FRMPD4: variants seen among roughly 807,000 people sequenced by gnomAD.
FRMPD4 encodes FERM and PDZ domain-containing protein 4.
A neutral mutation model predicts 94.1 loss-of-function variants in FRMPD4; 22 were observed. The observed-to-expected ratio is 0.23, with a 90% confidence interval of 0.17 to 0.33. The LOEUF (loss-of-function observed/expected upper bound fraction) is 0.33, where lower values mean the gene tolerates loss of function less well. Ranked by LOEUF, FRMPD4 falls within the 10% of genes least tolerant of loss-of-function variation. The probability of loss-of-function intolerance (pLI) is 1.00; values close to 1 mark genes in which losing one functional copy is unlikely to be tolerated. For synonymous variants in FRMPD4, 631 were observed against 548.6 expected, an observed-to-expected ratio of 1.15 and a Z score of -2.10; for missense variants, 1,111 against 1,339.9, an observed-to-expected ratio of 0.83 and a Z score of 2.67.
chrX:11,908,676 G>T (rs566085838), intron 3 of FRMPD4, among the ~76,000 whole-genome samples: 10 of 111,467 alleles, frequency 9.0e-5, no homozygotes, highest in Non-Finnish European at 1.9e-4. Context: ...TCATTTCCAG[G>T]CAAGAATACC....
chrX:11,975,424 AG>A (rs952687190), intron 3 of FRMPD4, among the ~76,000 whole-genome samples: 1 of 112,354 alleles, frequency 8.9e-6, no homozygotes, highest in African/African-American at 3.2e-5. Context: ...TTGTTCAAAA[AG>A]TTTAAAACAT....
At chrX:11,914,314 G>A (rs1399775893) in intron 3 of FRMPD4, among the ~76,000 whole-genome samples, 1 of 92,911 alleles carries the variant, frequency 1.1e-5, no homozygotes, top group Non-Finnish European at 2.1e-5. Context: ...TTTTGAAAAC[G>A]TCTAAGTGCT....
At position 12,177,431 on chromosome X, in the gene FRMPD4, GA is replaced by G. The variant is rs771211945; in HGVS notation, c.41+38426del. The stretch of plus-strand genomic sequence containing the variant: ...ATAATTCTAGTTTTCAGGATGCAAG[GA>G]AAAAAATAAGACATTTCTAAATCAC... On this transcript the variant is annotated intron_variant, in intron 1 of 16. Transcript: ENST00000675598. Among the ~76,000 whole-genome samples the G allele has an allele frequency of 1.1e-3, 119 of 112,082 alleles. 1 individual carries two copies. Among genetic ancestry groups the G allele is most frequent in the Middle Eastern group, 9.2e-3 (2 of 218 alleles).
chrX:12,591,841 A>G (rs749724841), intron 2 of FRMPD4, among the ~76,000 whole-genome samples: 8 of 111,797 alleles, frequency 7.2e-5, no homozygotes, highest in Middle Eastern at 4.2e-3. Flanking sequence ...TCAGGACTTG[A>G]TACCTCAAAG....
At chrX:12,252,674 G>C (rs1354348241) in intron 1 of FRMPD4, among the ~76,000 whole-genome samples, 2 of 111,833 alleles carry the variant, frequency 1.8e-5, no homozygotes, top group Non-Finnish European at 3.8e-5. Context: ...ATTCATGTAT[G>C]TGTTAATTAC....
At chrX:12,312,970 A>G (rs183662844) in intron 1 of FRMPD4, among the ~76,000 whole-genome samples, 13 of 111,525 alleles carry the variant, frequency 1.2e-4, no homozygotes, top group Non-Finnish European at 2.3e-4. Flanking sequence ...AGGGAAGACT[A>G]TGGGGGAGCG....
In FRMPD4 at chrX:12,396,030, C is replaced by A. The variant is rs941770554; in HGVS notation, c.42-102650C>A. On this transcript the variant is annotated intron_variant, in intron 1 of 16. Coordinates refer to ENST00000675598, the MANE Select transcript of FRMPD4 (RefSeq NM_001368397.1). ...AAATTCAGCACCTTTTTTAGGCCAGCTTGGTAGCTTTCCATATATGCATCC... is the reference window on the plus strand; with the variant it reads ...AAATTCAGCACCTTTTTTAGGCCAGATTGGTAGCTTTCCATATATGCATCC... The A allele has an allele frequency of 5.7e-5, 8 of 140,734 alleles. No individual in the cohort carries two copies. In the East Asian group the frequency reaches 1.6e-3, roughly 29 times the overall value. 11.6% of individuals were successfully genotyped at this position (140,734 alleles called of 1,213,427 possible).
At chrX:12,640,348 A>G in intron 4 of FRMPD4, among the ~76,000 whole-genome samples, 1 of 103,347 alleles carries the variant, frequency 9.7e-6, no homozygotes, top group East Asian at 3.2e-4. Flanking sequence ...AGGGGGAAGG[A>G]GGAAGTAGTC....
intron 4 of FRMPD4, among the ~76,000 whole-genome samples, chrX:12,632,584 G>A (rs773514062): frequency 8.0e-5 from 9 of 112,079 alleles, no homozygotes; most frequent in Non-Finnish European, 1.5e-4. Context: ...CCAATGGTGG[G>A]AATGTTCCAA....
At chrX:12,653,798 G>A (rs751758054) in intron 4 of FRMPD4, among the ~76,000 whole-genome samples, 72 of 110,240 alleles carry the variant, frequency 6.5e-4, no homozygotes, top group Non-Finnish European at 1.1e-3. Flanking sequence ...ACAGAGTTTC[G>A]CTCTTGTTGC....
intron 2 of FRMPD4, among the ~76,000 whole-genome samples, chrX:12,503,341 T>C (rs1679360436): frequency 9.0e-6 from 1 of 111,677 alleles, no homozygotes. Flanking sequence ...ACACAAAAAG[T>C]AGCCCTGTAT....
chrX:12,386,494 C>T (rs1306488116), intron 1 of FRMPD4, among the ~76,000 whole-genome samples: 1 of 112,138 alleles, frequency 8.9e-6, no homozygotes, highest in African/African-American at 3.2e-5. Context: ...CTAACCCTCT[C>T]AGAGTTTGTA....
At chrX:12,673,862 C>T (rs1243199331) in intron 4 of FRMPD4, among the ~76,000 whole-genome samples, 4 of 111,993 alleles carry the variant, frequency 3.6e-5, no homozygotes, top group Non-Finnish European at 5.6e-5. Context: ...TGGTCCAGCC[C>T]AGCCAGAGTG....
At chrX:12,540,918 C>A (rs1172543609) in intron 2 of FRMPD4, among the ~76,000 whole-genome samples, 4 of 111,814 alleles carry the variant, frequency 3.6e-5, no homozygotes, top group South Asian at 3.8e-4. Flanking sequence ...TCAAACTAGA[C>A]CTCAGGATTA....
At chrX:12,288,620 G>A (rs1188245368) in intron 1 of FRMPD4, among the ~76,000 whole-genome samples, 1 of 111,480 alleles carries the variant, frequency 9.0e-6, no homozygotes, top group Non-Finnish European at 1.9e-5. Context: ...CATTTCAATT[G>A]TGTACAGAAT....
chrX:12,399,293 A>G (rs2056582110), intron 1 of FRMPD4, among the ~76,000 whole-genome samples: 1 of 111,792 alleles, frequency 8.9e-6, no homozygotes, highest in Non-Finnish European at 1.9e-5. Flanking sequence ...TTCGATGTAG[A>G]TGTAGATGTA....
chrX:12,456,563 G>A (rs2057336166), intron 1 of FRMPD4, among the ~76,000 whole-genome samples: 1 of 111,547 alleles, frequency 9.0e-6, no homozygotes, highest in Non-Finnish European at 1.9e-5. Context: ...AACACAGAAA[G>A]AAATCACCAC....
intron 1 of FRMPD4, among the ~76,000 whole-genome samples, chrX:12,366,980 C>T (rs915853784): frequency 2.7e-5 from 3 of 110,839 alleles, no homozygotes; most frequent in African/African-American, 9.9e-5. Flanking sequence ...ATGGCCAGGG[C>T]AGGGAATATC....
At chrX:12,460,091 T>C (rs1057021189) in intron 1 of FRMPD4, among the ~76,000 whole-genome samples, 1 of 112,152 alleles carries the variant, frequency 8.9e-6, no homozygotes, top group African/African-American at 3.2e-5. Flanking sequence ...TGATCAAATA[T>C]TTTTACCATT....
Sources: allele counts gnomAD v4.1 joint callset (sites outside exome capture counted in the v4.1 genomes callset), GRCh38; gene constraint gnomAD v4.1.1; transcripts MANE v1.5; gene names NCBI Gene and HGNC (gene_info 2026-07-23, HGNC 2026-07-21).